The following CEP250 variants were observed in gnomAD, a reference collection of about 807,000 sequenced individuals.
CEP250 encodes centrosome-associated protein CEP250.
In CEP250, 242 loss-of-function variants were observed where a neutral mutation model predicts 315.7. That is an observed-to-expected ratio of 0.77 (90% CI 0.69 to 0.85). The LOEUF (loss-of-function observed/expected upper bound fraction) is 0.85, where lower values mean the gene tolerates loss of function less well. Ranked by LOEUF, CEP250 falls within the 40% of genes least tolerant of loss-of-function variation. The pLI, the probability that CEP250 is intolerant of heterozygous loss-of-function variation, is 0.00. For synonymous variants in CEP250, 1,088 were observed against 1,175.0 expected, an observed-to-expected ratio of 0.93 and a Z score of 1.51; for missense variants, 2,515 against 2,886.4, an observed-to-expected ratio of 0.87 and a Z score of 2.95.
Position 35,503,843 on chromosome 20 carries a change from A to C in CEP250, c.5474A>C (p.Glu1825Ala). 1 of 1,613,998 alleles carries C rather than the reference A, an allele frequency of 6.2e-7. No individual in the cohort carries two copies. The highest frequency in any genetic ancestry group is 8.5e-7 in the Non-Finnish European group (1 of 1,179,980). The change falls in exon 30 of 35, where the codon GAA (glutamate) becomes GCA (alanine). Residue 1825 changes from glutamate (E) to alanine (A), a missense_variant. By Grantham distance (107) the Glu-to-Ala change is moderately radical. Coordinates refer to ENST00000397527, the MANE Select transcript of CEP250 (RefSeq NM_007186.6). This position sits in a 1 kb window ranked among gnomAD's most constrained non-coding sequence, Gnocchi z 4.2. ...RDQELEALQQ[E>A]QQQAQGQEER... ...CAGGAACTGGAGGCTCTGCAGCAAG[A>C]ACAGCAGCAGGCCCAGGGACAGGAG... is the stretch of plus-strand genomic sequence containing the variant.
At chr20:35,456,854 C>T (rs1449156040) in intron 1 of CEP250, among the ~76,000 whole-genome samples, 2 of 149,282 alleles carry the variant, frequency 1.3e-5, no homozygotes, top group African/African-American at 2.5e-5. Flanking sequence ...GATCTGGGTT[C>T]ACTGGAACAT....
Position 35,512,343 on chromosome 20 carries a change from G to T in CEP250, c.*717G>T, listed in dbSNP as rs983480343. 1.3e-5 allele frequency: 2 copies of T among 152,382 alleles called. No individual in the cohort carries two copies. The highest frequency in any genetic ancestry group is 4.8e-5 in the African/African-American group (2 of 41,430). The allele number at this position is 152,382 out of a possible 1,614,324, so 9.4% of individuals were successfully genotyped here. ...GAAGACTGGTCTGACTGTGGCAGGG[G>T]GTTGGGGCTGAGCTTGGGTGGGTTG... On this transcript the variant is annotated 3_prime_UTR_variant, in exon 35 of 35. Coordinates refer to ENST00000397527, the MANE Select transcript of CEP250 (RefSeq NM_007186.6).
chr20:35,472,909 C>T lies in CEP250; in HGVS notation c.1209+78C>T, dbSNP rs575919993. The T allele has an allele frequency of 6.4e-6, 9 of 1,404,112 alleles. No homozygotes were observed. In the East Asian group the frequency reaches 2.1e-4, roughly 32 times the overall value. The allele number at this position is 1,404,112 out of a possible 1,614,324, so 87.0% of individuals were successfully genotyped here. ...TTTGTGCCTCAGGTACCTCCCTAGC[C>T]TGGACTATCCCTTTCACTTTTTTGA... On this transcript the variant is annotated intron_variant, in intron 12 of 34. Coordinates refer to ENST00000397527, the MANE Select transcript of CEP250 (RefSeq NM_007186.6).
At position 35,503,060 on chromosome 20, in the gene CEP250, A is replaced by G. The variant is rs2064063258; in HGVS notation, c.4691A>G (p.Glu1564Gly). ...GAATGCCTGGCCCTGGAACTGGAGG[A>G]AAACCATCACAAGATGGAGTGCCAG... The part of the protein sequence containing the change: ...TLECLALELE[E>G]NHHKMECQQK... The change falls in exon 30 of 35, where the codon GAA (glutamate) becomes GGA (glycine). Residue 1564 changes from glutamate (E) to glycine (G), a missense_variant. Transcript: ENST00000397527. The surrounding 1 kb of genome is among the most constrained non-coding windows in gnomAD (Gnocchi z 4.2). 6.2e-7 allele frequency: 1 copy of G among 1,614,196 alleles called. No individual in the cohort carries two copies. The highest frequency in any genetic ancestry group is 1.6e-4 in the Middle Eastern group (1 of 6,062).
Position 35,496,723 on chromosome 20 carries a change from C to G in CEP250, c.3306+8C>G, listed in dbSNP as rs370100138. On this transcript the variant is annotated splice_region_variant and intron_variant, in intron 25 of 34. Transcript: ENST00000397527. ...AAAGAGCTCAGTGCTCAGGTACTTC[C>G]CACTCTGGTTATGAGCTCTGCATCC... is the stretch of plus-strand genomic sequence containing the variant. 7.6e-5 allele frequency: 122 copies of G among 1,611,116 alleles called. No individual in the cohort carries two copies. The highest frequency in any genetic ancestry group is 9.8e-5 in the Non-Finnish European group (116 of 1,178,950).
In CEP250 at chr20:35,513,163, G is replaced by A. The variant is rs1262905904; in HGVS notation, c.*1537G>A. On this transcript the variant is annotated 3_prime_UTR_variant, in exon 35 of 35. Transcript: ENST00000397527. ...CTTCTGAAACCCCAGAAACAGATCT[G>A]GGGCCCCAGAAATGCTGTCCTGGTC... 1 of 152,190 alleles carries A rather than the reference G, an allele frequency of 6.6e-6. No individual in the cohort carries two copies. The highest frequency in any genetic ancestry group is 2.4e-5 in the African/African-American group (1 of 41,436). 9.4% of individuals were successfully genotyped at this position (152,190 alleles called of 1,614,324 possible).
In CEP250 at chr20:35,515,938, C is replaced by T. The variant is rs1053522894; in HGVS notation, c.*4312C>T. On this transcript the variant is annotated 3_prime_UTR_variant, in exon 35 of 35. Transcript: ENST00000397527. ...GAGGTGAGGATGAGAGGTGAGACTT[C>T]GTTGGACTGTGCTCCTGGCCAGTTG... The T allele has an allele frequency of 7.2e-5, 11 of 152,262 alleles. No individual in the cohort carries two copies. The highest frequency in any genetic ancestry group is 1.0e-4 in the Non-Finnish European group (7 of 68,064). 9.4% of individuals were successfully genotyped at this position (152,262 alleles called of 1,614,324 possible).
At chr20:35,478,338 G>A (rs1047258701) in intron 17 of CEP250, among the ~76,000 whole-genome samples, 3 of 152,078 alleles carry the variant, frequency 2.0e-5, no homozygotes, top group Non-Finnish European at 4.4e-5. Flanking sequence ...AGGCCGAGGC[G>A]GGCGGATCAC....
intron 20 of CEP250, among the ~76,000 whole-genome samples, chr20:35,489,966 C>T (rs1385094126): frequency 6.6e-6 from 1 of 152,116 alleles, no homozygotes; most frequent in African/African-American, 2.4e-5. Context: ...ACCACTTGCG[C>T]CCAGGAGTTC....
intron 30 of CEP250, among the ~76,000 whole-genome samples, chr20:35,506,198 T>A (rs2064181341): frequency 6.6e-6 from 1 of 152,094 alleles, no homozygotes; most frequent in South Asian, 2.1e-4. Flanking sequence ...GTGGAATGAA[T>A]GATGAGGTCA....
At chr20:35,470,021 G>T (rs774206621) in intron 10 of CEP250, 35 bp downstream of exon 10, 1 of 1,453,348 alleles carries the variant, frequency 6.9e-7, no homozygotes, top group Non-Finnish European at 9.7e-7. Context: ...GGAGTTGGGC[G>T]TGGGCTTGTA....
chr20:35,516,950 C>T lies in CEP250; in HGVS notation c.*5324C>T. On this transcript the variant is annotated 3_prime_UTR_variant, in exon 35 of 35. Transcript: ENST00000397527. ...CCACAGGTGAGCATAAGCTCAAACC[C>T]CCCCATTGAAGGCTACATTCTTGTC... is the stretch of plus-strand genomic sequence containing the variant. 2.0e-6 allele frequency: 2 copies of T among 985,046 alleles called. No individual in the cohort carries two copies. The highest frequency in any genetic ancestry group is 2.4e-6 in the Non-Finnish European group (2 of 829,542). The allele number at this position is 985,046 out of a possible 1,614,324, so 61.0% of individuals were successfully genotyped here.
Position 35,498,617 on chromosome 20 carries a change from C to T in CEP250, c.3678C>T (p.Leu1226=). 1 of 1,603,408 alleles carries T rather than the reference C, an allele frequency of 6.2e-7. No individual in the cohort carries two copies. The highest frequency in any genetic ancestry group is 1.7e-4 in the Middle Eastern group (1 of 5,974). Residue 1226 remains leucine, a synonymous_variant, in exon 27 of 35, where the codon CTC becomes CTT. Coordinates refer to ENST00000397527, the MANE Select transcript of CEP250 (RefSeq NM_007186.6). ...LEPDQNGARS[L]FKRGPLLTAL... is the part of the protein sequence containing the mutation. ...CAGACCAGAATGGAGCTAGGAGCCT[C>T]TTTAAGAGAGGGCCCCTGCTGACTG...
chr20:35,484,261 G>A (rs1291302283), intron 20 of CEP250, among the ~76,000 whole-genome samples: 4 of 151,396 alleles, frequency 2.6e-5, no homozygotes, highest in Non-Finnish European at 1.5e-5. Flanking sequence ...TAGGCCTGAG[G>A]CAAAGGAGTT....
At position 35,504,472 on chromosome 20, in the gene CEP250, G is replaced by C; in HGVS notation, c.6103G>C (p.Glu2035Gln). 6.2e-7 allele frequency: 1 copy of C among 1,613,554 alleles called. No individual in the cohort carries two copies. The highest frequency in any genetic ancestry group is 8.5e-7 in the Non-Finnish European group (1 of 1,179,770). Reference protein sequence around the residue: ...EIQDQDLRYQEDVQQLQQALA... With the variant: ...EIQDQDLRYQQDVQQLQQALA... ...CCAGGACCAGGATCTCCGATACCAG[G>C]AGGATGTGCAGCAGCTGCAGCAGGC... Residue 2035 changes from glutamate to glutamine, a missense_variant, in exon 30 of 35, where the codon GAG (glutamate) becomes CAG (glutamine). Transcript: ENST00000397527.
At chr20:35,483,307 C>T (rs919108158) in intron 20 of CEP250, among the ~76,000 whole-genome samples, 8 of 148,344 alleles carry the variant, frequency 5.4e-5, no homozygotes, top group East Asian at 2.0e-4. Flanking sequence ...GCAACAAGAA[C>T]GAAACTCCGT....
chr20:35,458,544 CATT>C (rs1414727094), intron 2 of CEP250, among the ~76,000 whole-genome samples, 170 bp downstream of exon 2: 2 of 145,970 alleles, frequency 1.4e-5, no homozygotes, highest in Non-Finnish European at 1.5e-5. Context: ...CACTGACACT[CATT>C]ATCTTATTTA....
intron 5 of CEP250, among the ~76,000 whole-genome samples, chr20:35,464,599 G>A (rs563622272): frequency 2.0e-5 from 3 of 152,134 alleles, no homozygotes; most frequent in African/African-American, 4.8e-5. Flanking sequence ...CATCTGGCCC[G>A]AACTCACTGT....
Position 35,504,091 on chromosome 20 carries a change from C to T in CEP250, c.5722C>T (p.Gln1908Ter). 6.2e-7 allele frequency: 1 copy of T among 1,609,386 alleles called. No homozygotes were observed. Among genetic ancestry groups the T allele is most frequent in the Non-Finnish European group, 8.5e-7 (1 of 1,177,192 alleles). Residue 1908 changes from glutamine (Q) to a stop codon, truncating the protein, a stop_gained, in exon 30 of 35, where the codon CAG becomes TAG. Transcript: ENST00000397527. LOFTEE classifies it high-confidence loss of function. ...EQEKALLALQQQCAEQAQEHE... is the reference protein window; with the variant it reads ...EQEKALLALQ The stretch of plus-strand genomic sequence containing the variant: ...GGAGAAAGCTCTGTTGGCCCTCCAG[C>T]AGCAGTGTGCTGAGCAGGCACAGGA...
Sources: gnomAD v4.1 joint callset for allele counts (sites outside exome capture counted in the v4.1 genomes callset) on GRCh38, gnomAD v4.1.1 for gene constraint, Gnocchi (gnomAD v3.1) non-coding constraint, MANE v1.5 for transcripts, NCBI Gene and HGNC (gene_info 2026-07-23, HGNC 2026-07-21) for gene names.